The following CTNND2 variants were observed in gnomAD, a reference collection of about 807,000 sequenced individuals.
CTNND2 encodes catenin delta-2.
A neutral mutation model predicts 144.4 loss-of-function variants in CTNND2; 22 were observed. The ratio of observed to expected loss-of-function variants is 0.15; its 90% CI spans 0.11 to 0.22. The LOEUF (loss-of-function observed/expected upper bound fraction) is 0.22. Ranked by LOEUF, CTNND2 falls within the 10% of genes least tolerant of loss-of-function variation. The pLI, the probability that CTNND2 is intolerant of heterozygous loss-of-function variation, is 1.00. For synonymous variants in CTNND2, 751 were observed against 695.6 expected, an observed-to-expected ratio of 1.08 and a Z score of -1.25; for missense variants, 1,353 against 1,618.8, an observed-to-expected ratio of 0.84 and a Z score of 2.82.
At chr5:11,177,932 G>A (rs1312492305) in intron 11 of CTNND2, among the ~76,000 whole-genome samples, 1 of 152,160 alleles carries the variant, frequency 6.6e-6, no homozygotes, top group Non-Finnish European at 1.5e-5. Context: ...ACTATAGCAA[G>A]TTGTTTATAC....
At chr5:11,623,804 GTATGTATATATATA>G (rs1780994990) in intron 2 of CTNND2, among the ~76,000 whole-genome samples, 1 of 30,638 alleles carries the variant, frequency 3.3e-5, no homozygotes, top group African/African-American at 1.4e-4. Context: ...ATATATGTGT[GTATGTATATATATA>G]TATATATATA....
chr5:11,557,843 G>A (rs1776354067), intron 3 of CTNND2, among the ~76,000 whole-genome samples: 3 of 152,234 alleles, frequency 2.0e-5, no homozygotes, highest in South Asian at 4.1e-4. Flanking sequence ...AATAATCCTT[G>A]GAACCATGCT....
chr5:11,055,481 ACCCTTC>A (rs1307391196), intron 16 of CTNND2, among the ~76,000 whole-genome samples: 6 of 151,896 alleles, frequency 4.0e-5, no homozygotes, highest in African/African-American at 1.5e-4. Context: ...CTATCTATCC[ACCCTTC>A]CCCTATTAAG....
intron 16 of CTNND2, among the ~76,000 whole-genome samples, chr5:11,033,701 G>A (rs1049420059): frequency 1.3e-5 from 2 of 152,012 alleles, no homozygotes; most frequent in Admixed American, 6.6e-5. Flanking sequence ...GCAGTGGCGG[G>A]AGCCTGTAAT....
At chr5:11,188,820 ATTTCACG>A (rs999220508) in intron 11 of CTNND2, among the ~76,000 whole-genome samples, 8 of 152,086 alleles carry the variant, frequency 5.3e-5, no homozygotes, top group Non-Finnish European at 1.2e-4. Flanking sequence ...TTAACTCCAG[ATTTCACG>A]TATGGGAGAC....
At chr5:11,641,843 T>C (rs565389595) in intron 2 of CTNND2, among the ~76,000 whole-genome samples, 1 of 151,492 alleles carries the variant, frequency 6.6e-6, no homozygotes, top group East Asian at 2.0e-4. Context: ...TATGTATGTA[T>C]GTATATACAT....
chr5:11,236,026 T>C (rs911780508), intron 10 of CTNND2, among the ~76,000 whole-genome samples: 1 of 152,230 alleles, frequency 6.6e-6, no homozygotes, highest in Non-Finnish European at 1.5e-5. Context: ...CTAAAAAACT[T>C]AGATTTGGCT....
intron 18 of CTNND2, among the ~76,000 whole-genome samples, chr5:11,015,314 T>A (rs1741492567): frequency 1.3e-5 from 2 of 152,266 alleles, no homozygotes; most frequent in African/African-American, 4.8e-5. Flanking sequence ...GCAGCACTTA[T>A]GACACTGGGC....
chr5:11,315,400 T>C (rs1471854428), intron 9 of CTNND2, among the ~76,000 whole-genome samples: 5 of 152,228 alleles, frequency 3.3e-5, no homozygotes, highest in Admixed American at 3.3e-4. Context: ...GTTGATTCCA[T>C]TGTTTTGTCC....
At chr5:11,867,552 T>C (rs1442024913) in intron 1 of CTNND2, among the ~76,000 whole-genome samples, 1 of 152,198 alleles carries the variant, frequency 6.6e-6, no homozygotes, top group Non-Finnish European at 1.5e-5. Flanking sequence ...GAGTGATCAT[T>C]ATTTTTAGAA....
At chr5:11,044,182 C>G (rs1298840953) in intron 16 of CTNND2, among the ~76,000 whole-genome samples, 2 of 152,168 alleles carry the variant, frequency 1.3e-5, no homozygotes, top group South Asian at 4.2e-4. Context: ...AGAATGACTT[C>G]CTAGCAGTGT....
intron 2 of CTNND2, among the ~76,000 whole-genome samples, chr5:11,672,930 C>T (rs1019650445): frequency 3.9e-5 from 6 of 152,164 alleles, no homozygotes; most frequent in African/African-American, 1.4e-4. Context: ...CCTCCGTGAG[C>T]TGCACCCTGT....
At chr5:11,687,672 G>C (rs1480205571) in intron 2 of CTNND2, among the ~76,000 whole-genome samples, 1 of 152,162 alleles carries the variant, frequency 6.6e-6, no homozygotes, top group African/African-American at 2.4e-5. Context: ...CTCCTTTCCA[G>C]AGCTAAAAAT....
intron 1 of CTNND2, among the ~76,000 whole-genome samples, chr5:11,747,261 C>T (rs978812822): frequency 2.0e-5 from 3 of 152,146 alleles, no homozygotes; most frequent in African/African-American, 4.8e-5. Context: ...TCTAAAATTA[C>T]AGACCCATCA....
intron 1 of CTNND2, among the ~76,000 whole-genome samples, chr5:11,774,567 AAAAAAC>A (rs1561785405): frequency 6.0e-5 from 9 of 150,264 alleles, no homozygotes; most frequent in Middle Eastern, 6.9e-3. Context: ...AAATTAAAAA[AAAAAAC>A]AATGATGGCT....
At chr5:11,234,111 C>T (rs192471815) in intron 10 of CTNND2, among the ~76,000 whole-genome samples, 5 of 152,188 alleles carry the variant, frequency 3.3e-5, no homozygotes, top group Admixed American at 6.5e-5. Flanking sequence ...ATACAGGCAA[C>T]CTTGATGGCA....
chr5:11,178,834 C>A (rs1346298848), intron 11 of CTNND2, among the ~76,000 whole-genome samples: 1 of 152,114 alleles, frequency 6.6e-6, no homozygotes, highest in Non-Finnish European at 1.5e-5. Context: ...AAGACATATA[C>A]AATACATTCT....
At chr5:11,435,115 C>CTATTTATTTATTTATT (rs71595819) in intron 3 of CTNND2, among the ~76,000 whole-genome samples, 18 of 145,944 alleles carry the variant, frequency 1.2e-4, no homozygotes, top group East Asian at 6.2e-4. Context: ...TTCTTTTTTA[C>CTATTTATTTATTTATT]TATTTATTTA....
chr5:11,318,897 A>G (rs2150065247), intron 9 of CTNND2, among the ~76,000 whole-genome samples: 1 of 151,414 alleles, frequency 6.6e-6, no homozygotes, highest in South Asian at 2.1e-4. Context: ...ACCCACCCCT[A>G]GAAAAAACAT....
Sources: gnomAD v4.1 joint callset for allele counts (sites outside exome capture counted in the v4.1 genomes callset) on GRCh38, gnomAD v4.1.1 for gene constraint, MANE v1.5 for transcripts, NCBI Gene and HGNC (gene_info 2026-07-23, HGNC 2026-07-21) for gene names.